The following MGAT4C variants were observed in gnomAD, a reference collection of about 807,000 sequenced individuals.
MGAT4C encodes the protein alpha-1,3-mannosyl-glycoprotein 4-beta-N-acetylglucosaminyltransferase C.
MGAT4C carries 19 observed loss-of-function variants against 40.1 expected under a neutral mutation model. The ratio of observed to expected loss-of-function variants is 0.47; its 90% CI spans 0.33 to 0.70. The LOEUF is 0.70. Ranked by LOEUF, MGAT4C falls within the 30% of genes least tolerant of loss-of-function variation. The probability of loss-of-function intolerance (pLI) is 0.02; values close to 1 mark genes in which losing one functional copy is unlikely to be tolerated. For missense variants in MGAT4C, 491 were observed against 563.2 expected, an observed-to-expected ratio of 0.87 and a Z score of 1.30; for synonymous variants, 181 against 187.1, an observed-to-expected ratio of 0.97 and a Z score of 0.27.
chr12:86,709,568 T>G (rs1950521903), intron 2 of MGAT4C, among the ~76,000 whole-genome samples: 2 of 151,862 alleles, frequency 1.3e-5, no homozygotes, highest in African/African-American at 4.8e-5. Flanking sequence ...TTTGAAAACT[T>G]TTATTTTACA....
chr12:86,661,487 T>C (rs1963978764), intron 2 of MGAT4C, among the ~76,000 whole-genome samples: 1 of 152,088 alleles, frequency 6.6e-6, no homozygotes, highest in Non-Finnish European at 1.5e-5. Context: ...CTACAAAATA[T>C]AAAACTGTAT....
At chr12:86,789,776 C>T (rs1951993192) in intron 1 of MGAT4C, among the ~76,000 whole-genome samples, 1 of 152,108 alleles carries the variant, frequency 6.6e-6, no homozygotes, top group African/African-American at 2.4e-5. Context: ...TGAACACTTG[C>T]AGTACTTCCA....
At chr12:86,760,719 G>C (rs149429066) in intron 1 of MGAT4C, among the ~76,000 whole-genome samples, 1 of 152,200 alleles carries the variant, frequency 6.6e-6, no homozygotes, top group Non-Finnish European at 1.5e-5. Flanking sequence ...TTCAATTGAA[G>C]TTCCAAAAAT....
At chr12:86,539,349 T>C (rs1475092966) in intron 2 of MGAT4C, among the ~76,000 whole-genome samples, 1 of 152,234 alleles carries the variant, frequency 6.6e-6, no homozygotes, top group Non-Finnish European at 1.5e-5. Context: ...ACAAAGGACA[T>C]GAACTCATCA....
At chr12:86,261,752 C>T (rs1275060171) in intron 4 of MGAT4C, among the ~76,000 whole-genome samples, 1 of 151,968 alleles carries the variant, frequency 6.6e-6, no homozygotes, top group Non-Finnish European at 1.5e-5. Context: ...TGTGTTGTAC[C>T]TTGGGGTTTC....
chr12:86,425,455 T>C (rs77547349), intron 3 of MGAT4C, among the ~76,000 whole-genome samples: 85 of 152,302 alleles, frequency 5.6e-4, no homozygotes, highest in African/African-American at 1.9e-3. Flanking sequence ...TGCTACTCCT[T>C]CACTTTCTGC....
intron 2 of MGAT4C, among the ~76,000 whole-genome samples, chr12:86,496,057 C>T (rs994263480): frequency 6.6e-6 from 1 of 151,748 alleles, no homozygotes; most frequent in African/African-American, 2.4e-5. Context: ...CACTACAGCA[C>T]CCAAACAGTG....
intron 3 of MGAT4C, among the ~76,000 whole-genome samples, chr12:86,361,584 C>T (rs1239713520): frequency 1.3e-5 from 2 of 152,062 alleles, no homozygotes; most frequent in African/African-American, 4.8e-5. Context: ...TACAATCTAC[C>T]CATCTGACAA....
intron 1 of MGAT4C, among the ~76,000 whole-genome samples, chr12:86,213,919 C>T (rs1438988864): frequency 2.0e-5 from 3 of 152,228 alleles, no homozygotes; most frequent in Non-Finnish European, 1.5e-5. Flanking sequence ...TAAACTGCTT[C>T]CTGCATCTAT....
chr12:86,489,085 T>C (rs944908803), intron 2 of MGAT4C, among the ~76,000 whole-genome samples: 1 of 152,134 alleles, frequency 6.6e-6, no homozygotes, highest in Non-Finnish European at 1.5e-5. Flanking sequence ...ACCTACAGCC[T>C]GCCCTGTGCC....
intron 1 of MGAT4C, among the ~76,000 whole-genome samples, chr12:86,756,626 A>G: frequency 6.6e-6 from 1 of 152,196 alleles, no homozygotes; most frequent in African/African-American, 2.4e-5. Flanking sequence ...ACTAAAACTA[A>G]AAAAGTTAAA....
At chr12:86,136,618 G>A (rs1881990652) in intron 1 of MGAT4C, among the ~76,000 whole-genome samples, 1 of 152,134 alleles carries the variant, frequency 6.6e-6, no homozygotes, top group Non-Finnish European at 1.5e-5. Flanking sequence ...GATCCCATCA[G>A]TTATTTCTTT....
At chr12:86,703,771 T>C (rs894614871) in intron 2 of MGAT4C, among the ~76,000 whole-genome samples, 14 of 152,158 alleles carry the variant, frequency 9.2e-5, no homozygotes, top group African/African-American at 3.4e-4. Flanking sequence ...CTACTTAAAA[T>C]TTCAAAGACA....
intron 2 of MGAT4C, among the ~76,000 whole-genome samples, chr12:86,619,746 A>G (rs183908437): frequency 2.0e-4 from 30 of 152,196 alleles, no homozygotes; most frequent in Admixed American, 1.8e-3. Flanking sequence ...AAATACTACT[A>G]GCTAGTGAAA....
At chr12:86,365,882 G>A (rs1248055639) in intron 3 of MGAT4C, among the ~76,000 whole-genome samples, 1 of 152,058 alleles carries the variant, frequency 6.6e-6, no homozygotes, top group East Asian at 1.9e-4. Flanking sequence ...CACTGTTTTA[G>A]TTCCAAATAA....
intron 2 of MGAT4C, among the ~76,000 whole-genome samples, chr12:86,653,545 T>C (rs930424691): frequency 2.7e-4 from 41 of 151,952 alleles, no homozygotes; most frequent in African/African-American, 9.7e-4. Context: ...CCTTCAGACC[T>C]GCTAAAATTT....
chr12:86,480,048 A>T lies in MGAT4C; in HGVS notation c.-228-44783T>A, dbSNP rs1022467347. 2.0e-5 allele frequency among the ~76,000 whole-genome samples: 3 copies of T among 151,922 alleles called. No individual in the cohort carries two copies. In the East Asian group the frequency reaches 5.8e-4, roughly 29 times the overall value. ...TATCTTGTTCATTAGGTAAGCATAT[A>T]GTTTTATGATAAAATTTAAAATCTA... On this transcript the variant is annotated intron_variant, in intron 2 of 7. Coordinates refer to the MGAT4C transcript ENST00000548651.
chr12:86,010,676 TCTAA>T (rs961926595), intron 2 of MGAT4C, among the ~76,000 whole-genome samples: 1 of 145,776 alleles, frequency 6.9e-6, no homozygotes, highest in African/African-American at 2.6e-5. Context: ...AGACTCTGTC[TCTAA>T]CAAACAAACA....
intron 2 of MGAT4C, among the ~76,000 whole-genome samples, chr12:86,445,275 CAA>C (rs1216920438): frequency 6.6e-6 from 1 of 152,116 alleles, no homozygotes; most frequent in Admixed American, 6.5e-5. Flanking sequence ...TATGTAAAGG[CAA>C]AAATATTTGT....
Sources: gnomAD v4.1 joint callset for allele counts (sites outside exome capture counted in the v4.1 genomes callset) on GRCh38, gnomAD v4.1.1 for gene constraint, MANE v1.5 for transcripts, NCBI Gene and HGNC (gene_info 2026-07-23, HGNC 2026-07-21) for gene names.